NUP214: variants seen among roughly 807,000 people sequenced by gnomAD.
NUP214 encodes the protein nuclear pore complex protein Nup214.
A neutral mutation model predicts 196.2 loss-of-function variants in NUP214; 79 were observed. The observed-to-expected ratio is 0.40, with a 90% confidence interval of 0.34 to 0.49. The LOEUF (loss-of-function observed/expected upper bound fraction) is 0.49, where lower values mean the gene tolerates loss of function less well. Ranked by LOEUF, NUP214 falls within the 20% of genes least tolerant of loss-of-function variation. NUP214 has a pLI of 0.58. For synonymous variants in NUP214, 1,020 were observed against 990.5 expected, an observed-to-expected ratio of 1.03 and a Z score of -0.56; for missense variants, 2,468 against 2,539.0, an observed-to-expected ratio of 0.97 and a Z score of 0.60.
intron 30 of NUP214, among the ~76,000 whole-genome samples, chr9:131,206,467 C>T (rs1051226696): frequency 2.6e-5 from 4 of 151,420 alleles, no homozygotes; most frequent in Non-Finnish European, 5.9e-5. Context: ...TTTTTTGAGA[C>T]AGGATCTCAC....
chr9:131,184,628 G>A (rs570917187), intron 24 of NUP214, among the ~76,000 whole-genome samples: 21 of 152,178 alleles, frequency 1.4e-4, no homozygotes, highest in African/African-American at 4.6e-4. Flanking sequence ...GAGACACCGT[G>A]CCTGGCCTAT....
rs1834772601 is a variant in NUP214 at position 131,228,059 on chromosome 9, T to A, written c.5903-101T>A. 8 of 1,198,676 alleles carry A rather than the reference T, an allele frequency of 6.7e-6. No homozygotes were observed. The East Asian group carries it at 2.3e-4, about 34-fold the overall frequency. The allele number at this position is 1,198,676 out of a possible 1,614,324, so 74.3% of individuals were successfully genotyped here. A position where few individuals can be genotyped will look rare whatever the true frequency, so the allele number is the denominator to read the frequency against. ...TGCTAACATCCTCTTTTCCCTTTTT[T>A]CTTCCTATTTTGATTTGGTTTCTCA... is the stretch of plus-strand genomic sequence containing the variant. On this transcript the variant is annotated intron_variant, in intron 32 of 35. Coordinates refer to ENST00000359428, the MANE Select transcript of NUP214 (RefSeq NM_005085.4).
Position 131,163,867 on chromosome 9 carries a change from C to T in NUP214, c.2724-3C>T. 1 of 1,613,328 alleles carries T rather than the reference C, an allele frequency of 6.2e-7. No homozygotes were observed. The highest frequency in any genetic ancestry group is 1.7e-4 in the Middle Eastern group (1 of 6,060). ...GTCTGTATCTAACACTGTTCTGTTT[C>T]AGTTTTGACAGTGACCTGGAAAGCC... On this transcript the variant is annotated splice_polypyrimidine_tract_variant and splice_region_variant and intron_variant, in intron 19 of 35. Coordinates refer to ENST00000359428, the MANE Select transcript of NUP214 (RefSeq NM_005085.4).
chr9:131,228,399 T>G (rs12340027), intron 33 of NUP214, 68 bp downstream of exon 33: 22 of 1,464,914 alleles, frequency 1.5e-5, no homozygotes, highest in Non-Finnish European at 2.0e-5. Context: ...GCCTGTACTC[T>G]TGCTCTGAAA....
intron 26 of NUP214, among the ~76,000 whole-genome samples, 168 bp downstream of exon 26, chr9:131,189,299 G>T (rs890938709): frequency 6.6e-6 from 1 of 152,192 alleles, no homozygotes; most frequent in South Asian, 2.1e-4. Context: ...TTTGAAAGCC[G>T]TCAGCTAATG....
Position 131,146,269 on chromosome 9 carries a change from T to C in NUP214, c.1910T>C (p.Val637Ala). 1 of 1,614,182 alleles carries C rather than the reference T, an allele frequency of 6.2e-7. No individual in the cohort carries two copies. The highest frequency in any genetic ancestry group is 8.5e-7 in the Non-Finnish European group (1 of 1,180,020). The change falls in exon 13 of 36, where the codon GTG becomes GCG. Residue 637 changes from valine to alanine, a missense_variant. This residue lies in a region of NUP214 where 1,801 missense variants were observed against 1,779.4 expected (regional missense o/e 1.01). Coordinates refer to ENST00000359428, the MANE Select transcript of NUP214 (RefSeq NM_005085.4). This position sits in a 1 kb window ranked among gnomAD's most constrained non-coding sequence, Gnocchi z 4.6. The part of the protein sequence containing the change: ...PTPLSAPPSS[V>A]PLKSSVLPSP... Reference sequence around the variant, plus strand: ...CCTCTCTCAGCACCACCTAGTTCCGTGCCATTGAAGTCCTCAGTCTTGCCC... The same window carrying C: ...CCTCTCTCAGCACCACCTAGTTCCGCGCCATTGAAGTCCTCAGTCTTGCCC...
Position 131,230,849 on chromosome 9 carries a change from C to T in NUP214, c.6214+80C>T, listed in dbSNP as rs1834855423. ...CCCCCAAAGAAATGAGTATGTTTTACCTGACCAGTCTGTTTAGTATTTTAA... is the reference window on the plus strand; with the variant it reads ...CCCCCAAAGAAATGAGTATGTTTTATCTGACCAGTCTGTTTAGTATTTTAA... On this transcript the variant is annotated intron_variant, in intron 34 of 35. Transcript: ENST00000359428. 7 of 1,473,808 alleles carry T rather than the reference C, an allele frequency of 4.7e-6. No homozygotes were observed. In the South Asian group the frequency reaches 8.6e-5, roughly 18 times the overall value. 91.3% of individuals were successfully genotyped at this position (1,473,808 alleles called of 1,614,324 possible). A position where few individuals can be genotyped will look rare whatever the true frequency, so the allele number is the denominator to read the frequency against.
chr9:131,215,467 A>T, intron 31 of NUP214, 99 bp downstream of exon 31: 1 of 1,264,178 alleles, frequency 7.9e-7, no homozygotes. Flanking sequence ...AAAAGAAAAA[A>T]AAATCTAGAA....
chr9:131,209,126 A>G (rs889530333), intron 30 of NUP214, among the ~76,000 whole-genome samples: 1 of 152,270 alleles, frequency 6.6e-6, no homozygotes, highest in African/African-American at 2.4e-5. Flanking sequence ...TGATCCCAGC[A>G]CTTTGGGAGG....
At chr9:131,194,548 G>T (rs1833721492) in intron 27 of NUP214, among the ~76,000 whole-genome samples, 1 of 152,088 alleles carries the variant, frequency 6.6e-6, no homozygotes, top group Non-Finnish European at 1.5e-5. Flanking sequence ...TTATCACAGT[G>T]AATAATCTGT....
chr9:131,176,207 T>C (rs1833112462), intron 23 of NUP214, among the ~76,000 whole-genome samples: 1 of 152,104 alleles, frequency 6.6e-6, no homozygotes, highest in African/African-American at 2.4e-5. Flanking sequence ...GTTTGAGTAA[T>C]CTGAAGTTCA....
intron 24 of NUP214, among the ~76,000 whole-genome samples, chr9:131,184,980 A>T (rs1418699903): frequency 6.6e-6 from 1 of 152,226 alleles, no homozygotes; most frequent in East Asian, 1.9e-4. Context: ...AGTATGTATG[A>T]AAAGATACAT....
At chr9:131,138,709 A>C (rs1484577393) in intron 9 of NUP214, among the ~76,000 whole-genome samples, 2 of 152,250 alleles carry the variant, frequency 1.3e-5, no homozygotes, top group African/African-American at 2.4e-5. Context: ...TTTCTCAAGG[A>C]ATCTGGGGAC....
chr9:131,130,137 G>GTTTTTTTTTTTGTTT (rs1554728065), intron 4 of NUP214, among the ~76,000 whole-genome samples: 9 of 76,928 alleles, frequency 1.2e-4, no homozygotes, highest in Non-Finnish European at 1.8e-4. Flanking sequence ...TTCTGGTTTT[G>GTTTTTTTTTTTGTTT]TTTTTTTTTT....
chr9:131,144,585 C>G lies in NUP214; in HGVS notation c.1600C>G (p.Pro534Ala), dbSNP rs374644647. The part of the protein sequence containing the change: ...PPSKASLAPT[P>A]AASPVAPSAA... ...TTCTAAAGCCTCCCTAGCCCCCACCCCTGCAGCGTCTCCTGTGGCTCCATC... is the reference window on the plus strand; with the variant it reads ...TTCTAAAGCCTCCCTAGCCCCCACCGCTGCAGCGTCTCCTGTGGCTCCATC... The change falls in exon 12 of 36, where the codon CCT becomes GCT. Residue 534 changes from proline to alanine, a missense_variant. Around this residue, in one of 5 missense-constraint regions of NUP214, gnomAD observed 1,801 missense variants for 1,779.4 expected, o/e 1.01. Transcript: ENST00000359428. The G allele has an allele frequency of 6.2e-7, 1 of 1,614,186 alleles. No homozygotes were observed. The highest frequency in any genetic ancestry group is 1.3e-5 in the African/African-American group (1 of 75,060).
At chr9:131,127,303 A>G (rs1831391121) in intron 1 of NUP214, among the ~76,000 whole-genome samples, 1 of 152,178 alleles carries the variant, frequency 6.6e-6, no homozygotes, top group Non-Finnish European at 1.5e-5. Context: ...GAATCGCTTG[A>G]ACCTGGGAGG....
intron 5 of NUP214, among the ~76,000 whole-genome samples, chr9:131,131,240 G>C (rs1276264714): frequency 6.6e-6 from 1 of 152,194 alleles, no homozygotes; most frequent in African/African-American, 2.4e-5. Flanking sequence ...TTAAAGCACA[G>C]TATTTGTCTT....
intron 21 of NUP214, 104 bp downstream of exon 21, chr9:131,164,248 G>A (rs1832722972): frequency 1.1e-6 from 1 of 920,152 alleles, no homozygotes; most frequent in African/African-American, 1.6e-5. Context: ...CTAGGGTGCT[G>A]TGTATGTGTG....
At position 131,201,863 on chromosome 9, in the gene NUP214, C is replaced by T. The variant is rs1423554515; in HGVS notation, c.5592+146C>T. 1.0e-5 allele frequency: 7 copies of T among 675,902 alleles called. No individual in the cohort carries two copies. The African/African-American group carries it at 1.1e-4, about 11-fold the overall frequency. The allele number at this position is 675,902 out of a possible 1,614,324, so 41.9% of individuals were successfully genotyped here. A position where few individuals can be genotyped will look rare whatever the true frequency, so the allele number is the denominator to read the frequency against. ...CTTAAGCTGTACTCCCTTCAGCTGC[C>T]TTGGAGGTGCAGAAGTCTCAGCCTC... On this transcript the variant is annotated intron_variant, in intron 30 of 35. Coordinates refer to ENST00000359428, the MANE Select transcript of NUP214 (RefSeq NM_005085.4).
Sources: gnomAD v4.1 joint callset for allele counts (sites outside exome capture counted in the v4.1 genomes callset) on GRCh38, gnomAD v4.1.1 for gene constraint, gnomAD v4.1.1 regional missense constraint, Gnocchi (gnomAD v3.1) non-coding constraint, MANE v1.5 for transcripts, NCBI Gene and HGNC (gene_info 2026-07-23, HGNC 2026-07-21) for gene names.